VWA3B: variants seen among roughly 807,000 people sequenced by gnomAD.
VWA3B encodes the protein von Willebrand factor A domain containing 3B.
Under a neutral mutation model 158.3 loss-of-function variants are expected in VWA3B, and 138 were observed. The observed-to-expected ratio is 0.87, with a 90% CI of 0.76 to 1.00. The LOEUF (loss-of-function observed/expected upper bound fraction) is 1.00, where lower values mean the gene tolerates loss of function less well. VWA3B is among the 50% of genes least tolerant of loss of function. VWA3B has a pLI of 0.00. For missense variants in VWA3B, 1,555 were observed against 1,565.1 expected (o/e 0.99, Z 0.11); for synonymous variants, 596 against 587.3 (o/e 1.01, Z -0.21).
At chr2:98,197,567 A>G (rs1019882561) in intron 12 of VWA3B, among the ~76,000 whole-genome samples, 3 of 152,180 alleles carry the variant, frequency 2.0e-5, no homozygotes, top group African/African-American at 7.2e-5. Context: ...TATTGGAATT[A>G]TTCTATAAGG....
At chr2:98,221,126 A>G (rs1246165596) in intron 14 of VWA3B, among the ~76,000 whole-genome samples, 2 of 150,990 alleles carry the variant, frequency 1.3e-5, no homozygotes, top group African/African-American at 2.4e-5. Context: ...CCTGGAACTT[A>G]AAGTAAAAAA....
intron 7 of VWA3B, among the ~76,000 whole-genome samples, chr2:98,137,947 A>G (rs1264415288): frequency 6.6e-6 from 1 of 152,216 alleles, no homozygotes; most frequent in African/African-American, 2.4e-5. Context: ...TATTTTTTCA[A>G]CTACTTTAGT....
intron 19 of VWA3B, among the ~76,000 whole-genome samples, chr2:98,239,439 T>G (rs189457571): frequency 6.6e-6 from 1 of 152,258 alleles, no homozygotes; most frequent in African/African-American, 2.4e-5. Flanking sequence ...TGTGACTGAT[T>G]TAGGCATGGT....
Position 98,280,926 on chromosome 2 carries a change from C to A in VWA3B, c.3046-9585C>A, listed in dbSNP as rs934076073. 8.5e-5 allele frequency among the ~76,000 whole-genome samples: 13 copies of A among 152,176 alleles called. 1 individual carries two copies. The highest frequency in any genetic ancestry group is 3.1e-4 in the African/African-American group (13 of 41,452). On this transcript the variant is annotated intron_variant, in intron 22 of 27. Transcript: ENST00000477737. The stretch of plus-strand genomic sequence containing the variant: ...AGCTCACAAGAAGACCTTGCTGCTT[C>A]TTCAGGGCTCATGCAGGAAATTCCA...
chr2:98,216,317 G>T (rs1270151469), intron 13 of VWA3B, among the ~76,000 whole-genome samples: 1 of 152,246 alleles, frequency 6.6e-6, no homozygotes, highest in Non-Finnish European at 1.5e-5. Context: ...GCTGGGAACA[G>T]CCCCATGCAG....
At chr2:98,129,643 G>A (rs1675703548) in intron 6 of VWA3B, among the ~76,000 whole-genome samples, 1 of 151,806 alleles carries the variant, frequency 6.6e-6, no homozygotes, top group Non-Finnish European at 1.5e-5. Flanking sequence ...CACAATACCC[G>A]AATAGTAATA....
At chr2:98,200,182 A>G (rs1682407353) in intron 12 of VWA3B, among the ~76,000 whole-genome samples, 1 of 152,104 alleles carries the variant, frequency 6.6e-6, no homozygotes, top group Non-Finnish European at 1.5e-5. Flanking sequence ...TATTTTGCCC[A>G]TTTTTTAATT....
chr2:98,251,168 C>G (rs145694097), intron 20 of VWA3B, among the ~76,000 whole-genome samples: 32 of 152,214 alleles, frequency 2.1e-4, no homozygotes, highest in Non-Finnish European at 4.0e-4. Context: ...ACATGCTAGG[C>G]ACTGCATCAA....
At chr2:98,177,838 G>A (rs1680141428) in intron 8 of VWA3B, among the ~76,000 whole-genome samples, 1 of 152,124 alleles carries the variant, frequency 6.6e-6, no homozygotes, top group East Asian at 1.9e-4. Flanking sequence ...TGGTACACTT[G>A]AATTTATACT....
At chr2:98,209,555 C>A (rs1040493493) in intron 12 of VWA3B, among the ~76,000 whole-genome samples, 1 of 152,198 alleles carries the variant, frequency 6.6e-6, no homozygotes, top group East Asian at 1.9e-4. Flanking sequence ...GCTGGGATTA[C>A]AGGCGTGAGC....
intron 14 of VWA3B, among the ~76,000 whole-genome samples, chr2:98,221,142 A>AG (rs1469173464): frequency 6.6e-6 from 1 of 152,076 alleles, no homozygotes; most frequent in African/African-American, 2.4e-5. Flanking sequence ...AAAAAAAAAA[A>AG]ATGACACTCA....
At chr2:98,091,956 C>G (rs766781143) in intron 1 of VWA3B, among the ~76,000 whole-genome samples, 1 of 152,210 alleles carries the variant, frequency 6.6e-6, no homozygotes. Flanking sequence ...ATCCTTTCCT[C>G]TTGCATACAC....
intron 21 of VWA3B, among the ~76,000 whole-genome samples, chr2:98,265,448 G>GGGTT (rs1687751555): frequency 6.6e-6 from 1 of 151,996 alleles, no homozygotes; most frequent in African/African-American, 2.4e-5. Context: ...TATCATTGAT[G>GGGTT]GACATTTGGG....
chr2:98,185,615 G>T (rs1367421358), intron 9 of VWA3B, among the ~76,000 whole-genome samples: 1 of 152,192 alleles, frequency 6.6e-6, no homozygotes, highest in Non-Finnish European at 1.5e-5. Context: ...AGGTGAGCTT[G>T]CTTCCTGTGT....
At position 98,129,961 on chromosome 2, in the gene VWA3B, GAC is replaced by G. The variant is rs1230057518; in HGVS notation, c.872+1557_872+1558del. On this transcript the variant is annotated intron_variant, in intron 6 of 27. Coordinates refer to ENST00000477737, the MANE Select transcript of VWA3B (RefSeq NM_144992.5). ...GAACGAGAGATTTGGAAAAGAAAGA[GAC>G]ACAAAGTATAGAGAAAGAAAAAGGG... Among the ~76,000 whole-genome samples, 10 of 152,262 alleles carry G rather than the reference GAC, an allele frequency of 6.6e-5. No individual in the cohort carries two copies. The East Asian group carries it at 1.9e-3, about 29-fold the overall frequency.
chr2:98,165,378 A>G (rs868757824), intron 8 of VWA3B, among the ~76,000 whole-genome samples: 2 of 152,140 alleles, frequency 1.3e-5, no homozygotes, highest in Non-Finnish European at 2.9e-5. Context: ...TCTGCTTCCC[A>G]CCCACCGGAC....
chr2:98,162,995 C>A lies in VWA3B; in HGVS notation c.1114+19C>A. On this transcript the variant is annotated intron_variant, in intron 8 of 27. Coordinates refer to ENST00000477737, the MANE Select transcript of VWA3B (RefSeq NM_144992.5). Reference sequence around the variant, plus strand: ...GACTGCGGTTGGTGCTATTTCTGGTCACTGGTGTAAAAGATTCATAAATGT... The same window carrying A: ...GACTGCGGTTGGTGCTATTTCTGGTAACTGGTGTAAAAGATTCATAAATGT... The A allele has an allele frequency of 1.2e-6, 2 of 1,613,378 alleles. No individual in the cohort carries two copies. The highest frequency in any genetic ancestry group is 2.2e-5 in the South Asian group (2 of 90,966).
At chr2:98,264,173 T>TA (rs1687650991) in intron 21 of VWA3B, among the ~76,000 whole-genome samples, 1 of 151,052 alleles carries the variant, frequency 6.6e-6, no homozygotes, top group African/African-American at 2.4e-5. Flanking sequence ...GTAGGTCTTT[T>TA]CAAAAAAAAA....
intron 3 of VWA3B, among the ~76,000 whole-genome samples, chr2:98,117,004 T>C (rs542178361): frequency 1.3e-5 from 2 of 152,348 alleles, no homozygotes; most frequent in East Asian, 1.9e-4. Context: ...GGCTATATCA[T>C]CCAATTCTTG....
Sources: allele counts gnomAD v4.1 joint callset (sites outside exome capture counted in the v4.1 genomes callset), GRCh38; gene constraint gnomAD v4.1.1; transcripts MANE v1.5; gene names NCBI Gene and HGNC (gene_info 2026-07-23, HGNC 2026-07-21).